The following MYH16 variants were observed in gnomAD, a reference collection of about 807,000 sequenced individuals.
MYH16 encodes putative uncharacterized protein MYH16.
intron 6 of MYH16, chr7:99,252,427 T>G (rs1016493412): frequency 1.3e-5 from 2 of 152,384 alleles, no homozygotes; most frequent in African/African-American, 4.8e-5. Context: ...TAGAGAGAGA[T>G]AGAGAGTCCT....
At chr7:99,296,310 T>C (rs910344177) in intron 33 of MYH16, among the ~76,000 whole-genome samples, 1 of 152,064 alleles carries the variant, frequency 6.6e-6, no homozygotes, top group Admixed American at 6.6e-5. Context: ...AGTCTAAGAA[T>C]AGTAAGTTTT....
intron 11 of MYH16, among the ~76,000 whole-genome samples, chr7:99,259,078 G>A (rs774482854): frequency 6.6e-6 from 1 of 152,140 alleles, no homozygotes; most frequent in Non-Finnish European, 1.5e-5. Context: ...TTGCTATCAT[G>A]AGAACAGCAT....
At chr7:99,295,339 T>C (rs1054749772) in intron 33 of MYH16, among the ~76,000 whole-genome samples, 20 of 151,808 alleles carry the variant, frequency 1.3e-4, no homozygotes, top group Non-Finnish European at 2.8e-4. Flanking sequence ...ATCGTGCCAC[T>C]GCACTCCAGC....
At chr7:99,272,700 T>C (rs1380127789) in intron 19 of MYH16, among the ~76,000 whole-genome samples, 139 bp from the exon 1 acceptor site, 4 of 151,838 alleles carry the variant, frequency 2.6e-5, no homozygotes, top group Non-Finnish European at 5.9e-5. Flanking sequence ...TGAGCCATAA[T>C]TGCACCATTG....
chr7:99,249,562 G>A (rs1023778440), intron 4 of MYH16, among the ~76,000 whole-genome samples: 200 of 133,256 alleles, frequency 1.5e-3, no homozygotes, highest in Middle Eastern at 7.8e-3. Context: ...AAAAAGAAAA[G>A]AAAAGTGCTG....
intron 39 of MYH16, among the ~76,000 whole-genome samples, chr7:99,303,887 G>A (rs1489254615): frequency 6.6e-6 from 1 of 152,158 alleles, no homozygotes; most frequent in South Asian, 2.1e-4. Flanking sequence ...GCCCAGGGAC[G>A]CAGAGGAGGA....
rs1290934043 is a variant in MYH16, at chr7:99,297,646, T to A, written n.4500-14T>A. ...GAATGCCGAGTCTTATTAACATGAA[T>A]ATTTCTATCTCAGAGGAGATAAAGG... On this transcript the variant is annotated splice_polypyrimidine_tract_variant and intron_variant and non_coding_transcript_variant, in intron 34 of 41. Coordinates refer to ENST00000439784, the Ensembl canonical transcript of MYH16. The A allele has an allele frequency of 4.4e-6, 2 of 455,044 alleles. No individual in the cohort carries two copies. Among genetic ancestry groups the A allele is most frequent in the Non-Finnish European group, 8.8e-6 (2 of 226,598 alleles). The allele number at this position is 455,044 out of a possible 1,614,324, so 28.2% of individuals were successfully genotyped here.
chr7:99,291,617 A>ACCCCCCCCCCCCCCCCCCCCCCC (rs34446113), intron 31 of MYH16, among the ~76,000 whole-genome samples, 167 bp downstream of exon 12: 14 of 105,948 alleles, frequency 1.3e-4, no homozygotes, highest in Admixed American at 3.2e-4. Flanking sequence ...ACACAGCAAG[A>ACCCCCCCCCCCCCCCCCCCCCCC]CCCCCCCCCA....
chr7:99,308,829 C>T (rs1016980584), downstream of MYH16, among the ~76,000 whole-genome samples: 5 of 152,170 alleles, frequency 3.3e-5, no homozygotes, highest in African/African-American at 7.2e-5. Context: ...CAGTGTCTCA[C>T]GCCTCTAATC....
intron 21 of MYH16, among the ~76,000 whole-genome samples, chr7:99,278,971 T>C (rs58797622): frequency 1.3e-5 from 2 of 152,210 alleles, no homozygotes; most frequent in East Asian, 3.9e-4. Flanking sequence ...GCAGGAGGAA[T>C]GCTTGAGCCC....
Position 99,273,447 on chromosome 7 carries a change from G to T in MYH16, n.2485+24G>T, listed in dbSNP as rs114037712. ...AGGTGAGGGCCGAGGGGCCAGGCCA[G>T]GGGGGACTGCTGCTGCCTATGGGCT... On this transcript the variant is annotated intron_variant and non_coding_transcript_variant, in intron 20 of 41. Transcript: ENST00000439784. 4.2e-3 allele frequency: 1,935 copies of T among 456,544 alleles called. 24 individuals are homozygous for T. The highest frequency in any genetic ancestry group is 0.03 in the African/African-American group (1,523 of 50,194). The allele number at this position is 456,544 out of a possible 1,614,324, so 28.3% of individuals were successfully genotyped here. A position where few individuals can be genotyped will look rare whatever the true frequency, so the allele number is the denominator to read the frequency against.
At chr7:99,285,121 C>T (rs1330695304) in intron 26 of MYH16, among the ~76,000 whole-genome samples, 186 bp downstream of exon 8, 1 of 152,208 alleles carries the variant, frequency 6.6e-6, no homozygotes, top group Non-Finnish European at 1.5e-5. Context: ...GGCCCTCCAA[C>T]TGCTCCCCGC....
intron 18 of MYH16, among the ~76,000 whole-genome samples, chr7:99,269,838 GC>G (rs1319225962): frequency 1.3e-5 from 2 of 148,920 alleles, no homozygotes; most frequent in East Asian, 3.9e-4. Context: ...CTCAACCTTG[GC>G]TATACATTAG....
intron 27 of MYH16, among the ~76,000 whole-genome samples, chr7:99,285,906 G>T (rs528726211): frequency 6.6e-6 from 1 of 152,354 alleles, no homozygotes; most frequent in African/African-American, 2.4e-5. Context: ...AAATCACAGC[G>T]TACCTAACCC....
At chr7:99,290,457 A>G (rs967004458) in intron 30 of MYH16, among the ~76,000 whole-genome samples, 2 of 146,364 alleles carry the variant, frequency 1.4e-5, no homozygotes, top group Non-Finnish European at 3.0e-5. Flanking sequence ...ACTGCACTCC[A>G]GCCTGGGCAA....
chr7:99,247,534 C>T (rs1791747347), intron 2 of MYH16: 1 of 153,968 alleles, frequency 6.5e-6, no homozygotes, highest in Admixed American at 6.5e-5. Flanking sequence ...GGGAACTCCG[C>T]TGGGGGAAGA....
chr7:99,287,895 G>T, exon 29 of MYH16: 1 of 455,310 alleles, frequency 2.2e-6, no homozygotes, highest in South Asian at 1.5e-5. Context: ...ACCCCAGATC[G>T]AGCAGAACCG....
At chr7:99,293,804 C>T (rs1423944649) in intron 32 of MYH16, among the ~76,000 whole-genome samples, 2 of 151,702 alleles carry the variant, frequency 1.3e-5, no homozygotes, top group African/African-American at 4.9e-5. Context: ...CTGCAACAAT[C>T]CTTGACGCAG....
At chr7:99,259,337 C>A (rs927222719) in intron 11 of MYH16, among the ~76,000 whole-genome samples, 31 of 152,156 alleles carry the variant, frequency 2.0e-4, no homozygotes, top group African/African-American at 7.0e-4. Flanking sequence ...GCTGGGGCCG[C>A]ATGCAGTGGC....
Sources: allele counts gnomAD v4.1 joint callset (sites outside exome capture counted in the v4.1 genomes callset), GRCh38; gene constraint gnomAD v4.1.1; transcripts MANE v1.5; gene names NCBI Gene and HGNC (gene_info 2026-07-23, HGNC 2026-07-21).